Variants in SLIT3 observed in about 807,000 individuals in gnomAD.
The protein encoded by SLIT3 is slit guidance ligand 3.
A neutral mutation model predicts 184.0 loss-of-function variants in SLIT3; 68 were observed. The observed-to-expected ratio is 0.37, with a 90% confidence interval of 0.30 to 0.45. The LOEUF (loss-of-function observed/expected upper bound fraction) is 0.45, where lower values mean the gene tolerates loss of function less well. Among genes scored for constraint, SLIT3 ranks in the 20% least tolerant of loss-of-function variants. The pLI, the probability that SLIT3 is intolerant of heterozygous loss-of-function variation, is 1.00. For missense variants in SLIT3, 1,707 were observed against 2,026.0 expected (o/e 0.84, Z 3.02); for synonymous variants, 831 against 828.6 (o/e 1.00, Z -0.05).
intron 4 of SLIT3, among the ~76,000 whole-genome samples, chr5:169,113,404 C>G (rs1331251822): frequency 6.6e-6 from 1 of 152,176 alleles, no homozygotes; most frequent in African/African-American, 2.4e-5. Context: ...CCGAATTCTT[C>G]CTTTCTATGA....
At chr5:168,953,307 A>G (rs913293184) in intron 4 of SLIT3, among the ~76,000 whole-genome samples, 35 of 152,178 alleles carry the variant, frequency 2.3e-4, no homozygotes, top group African/African-American at 8.2e-4. Flanking sequence ...GCAATTTACT[A>G]TGCCCATCTC....
At chr5:169,107,386 A>G (rs1291404791) in intron 4 of SLIT3, among the ~76,000 whole-genome samples, 1 of 152,232 alleles carries the variant, frequency 6.6e-6, no homozygotes, top group Non-Finnish European at 1.5e-5. Flanking sequence ...TGTGGTCTGC[A>G]TAGCTCCCTG....
intron 4 of SLIT3, among the ~76,000 whole-genome samples, chr5:169,183,784 A>C (rs297879): frequency 0.55 from 83,744 of 152,060 alleles, 23,931 homozygotes; most frequent in Middle Eastern, 0.67. Context: ...CACATTCCAG[A>C]CCATGGTTTA....
intron 4 of SLIT3, among the ~76,000 whole-genome samples, chr5:169,034,148 C>A (rs1757144597): frequency 6.6e-6 from 1 of 152,150 alleles, no homozygotes; most frequent in South Asian, 2.1e-4. Context: ...GGATATTAAC[C>A]CTTTACCATA....
At chr5:168,703,691 C>T (rs1372916661) in intron 26 of SLIT3, among the ~76,000 whole-genome samples, 6 of 152,022 alleles carry the variant, frequency 3.9e-5, no homozygotes, top group Admixed American at 1.3e-4. Context: ...CAGTGCCTCA[C>T]GCCTATAATC....
intron 4 of SLIT3, among the ~76,000 whole-genome samples, chr5:168,986,393 T>A (rs890840279): frequency 6.6e-6 from 1 of 151,998 alleles, no homozygotes; most frequent in African/African-American, 2.4e-5. Flanking sequence ...GCGCCCTTCT[T>A]ACATGGCCTC....
chr5:169,170,916 T>C (rs1762797436), intron 4 of SLIT3, among the ~76,000 whole-genome samples: 1 of 152,176 alleles, frequency 6.6e-6, no homozygotes, highest in Non-Finnish European at 1.5e-5. Flanking sequence ...ATTAACAATC[T>C]ATTCTGTGCA....
chr5:168,803,305 A>G (rs1756834415), intron 9 of SLIT3, among the ~76,000 whole-genome samples: 1 of 152,248 alleles, frequency 6.6e-6, no homozygotes, highest in Non-Finnish European at 1.5e-5. Flanking sequence ...GCTCCTTTAA[A>G]CTGAATATTT....
chr5:168,787,065 C>G (rs909120511), intron 11 of SLIT3, among the ~76,000 whole-genome samples: 1 of 152,194 alleles, frequency 6.6e-6, no homozygotes, highest in African/African-American at 2.4e-5. Context: ...CCCCCCTTTT[C>G]CAGACGCCAC....
At chr5:168,787,394 C>T (rs1488625259) in intron 11 of SLIT3, among the ~76,000 whole-genome samples, 2 of 152,176 alleles carry the variant, frequency 1.3e-5, no homozygotes, top group Non-Finnish European at 2.9e-5. Flanking sequence ...CGGGCTGAGG[C>T]TCTCCTGCCT....
chr5:168,666,124 AT>A lies in SLIT3; in HGVS notation c.*329del, dbSNP rs1761030768. ...TATCCTTTTGTTTTAAAGCATTTTT[AT>A]TAGTCTATTTTTTTCTTAAATTTTT... On this transcript the variant is annotated 3_prime_UTR_variant, in exon 36 of 36. Transcript: ENST00000519560. 5.4e-6 allele frequency: 1 copy of A among 185,674 alleles called. No individual in the cohort carries two copies. Among genetic ancestry groups the A allele is most frequent in the African/African-American group, 2.3e-5 (1 of 42,810 alleles). The allele number at this position is 185,674 out of a possible 1,614,324, so 11.5% of individuals were successfully genotyped here.
intron 4 of SLIT3, among the ~76,000 whole-genome samples, chr5:169,040,369 G>C (rs1225395285): frequency 6.6e-6 from 1 of 152,192 alleles, no homozygotes; most frequent in East Asian, 1.9e-4. Context: ...TAACTGTAAA[G>C]CTGACAAAAT....
chr5:168,830,630 T>G (rs1210269326), intron 6 of SLIT3, among the ~76,000 whole-genome samples: 3 of 152,360 alleles, frequency 2.0e-5, no homozygotes, highest in African/African-American at 7.2e-5. Context: ...AGCACTAGCC[T>G]GAGCACTTTT....
chr5:168,856,279 T>C lies in SLIT3; in HGVS notation c.486-11624A>G, dbSNP rs528555576. 3.7e-4 allele frequency among the ~76,000 whole-genome samples: 56 copies of C among 152,260 alleles called. 1 individual carries two copies. In the South Asian group the frequency reaches 0.012, roughly 32 times the overall value. On this transcript the variant is annotated intron_variant, in intron 5 of 35. Coordinates refer to ENST00000519560, the MANE Select transcript of SLIT3 (RefSeq NM_003062.4). ...TGCTCTTTCCATGACAGGCAGGAACTTTATGAGACCACCCCATTTTGAGGG... is the reference window on the plus strand; with the variant it reads ...TGCTCTTTCCATGACAGGCAGGAACCTTATGAGACCACCCCATTTTGAGGG...
chr5:169,258,524 T>C (rs1429621248), intron 1 of SLIT3, among the ~76,000 whole-genome samples: 1 of 152,184 alleles, frequency 6.6e-6, no homozygotes, highest in African/African-American at 2.4e-5. Context: ...CTGGTTTTGG[T>C]CATGTTGCTC....
intron 1 of SLIT3, among the ~76,000 whole-genome samples, chr5:169,261,130 T>C (rs1263376366): frequency 3.9e-5 from 6 of 152,246 alleles, no homozygotes; most frequent in Non-Finnish European, 7.3e-5. Flanking sequence ...CTCTCTACTA[T>C]GCCAGAGGCA....
intron 3 of SLIT3, among the ~76,000 whole-genome samples, chr5:169,212,774 T>A (rs913465916): frequency 4.6e-5 from 7 of 152,214 alleles, no homozygotes; most frequent in African/African-American, 1.7e-4. Context: ...AAGTCTTTAA[T>A]CCATCTTAAT....
chr5:169,170,334 C>A (rs1244450067), intron 4 of SLIT3, among the ~76,000 whole-genome samples: 1 of 152,122 alleles, frequency 6.6e-6, no homozygotes, highest in African/African-American at 2.4e-5. Context: ...CCGGAAGAGT[C>A]ATAACTTCCA....
At chr5:168,776,166 G>A (rs1755739914) in intron 12 of SLIT3, among the ~76,000 whole-genome samples, 1 of 152,218 alleles carries the variant, frequency 6.6e-6, no homozygotes, top group African/African-American at 2.4e-5. Flanking sequence ...CAGGGGGTCT[G>A]CAGTTGGCAA....
Sources: gnomAD v4.1 joint callset for allele counts (sites outside exome capture counted in the v4.1 genomes callset) on GRCh38, gnomAD v4.1.1 for gene constraint, MANE v1.5 for transcripts, NCBI Gene and HGNC (gene_info 2026-07-23, HGNC 2026-07-21) for gene names.